The following UBR4 variants were observed in gnomAD, a reference collection of about 807,000 sequenced individuals.
UBR4 encodes the protein E3 ubiquitin-protein ligase UBR4.
In UBR4, 124 loss-of-function variants were observed where a neutral mutation model predicts 575.6. The observed-to-expected ratio is 0.22, with a 90% CI of 0.19 to 0.25. The LOEUF is 0.25. Among genes scored for constraint, UBR4 ranks in the 10% least tolerant of loss-of-function variants. UBR4 has a pLI of 1.00. For synonymous variants in UBR4, 2,455 were observed against 2,473.7 expected (o/e 0.99, Z 0.22); for missense variants, 4,818 against 6,478.8 (o/e 0.74, Z 8.80).
chr1:19,084,883 G>A (rs769157507), intron 101 of UBR4, among the ~76,000 whole-genome samples, 185 bp from the exon 102 acceptor site: 7 of 152,206 alleles, frequency 4.6e-5, no homozygotes, highest in Non-Finnish European at 7.3e-5. Context: ...GCCATAGGAC[G>A]TTTTCATTTC....
intron 81 of UBR4, among the ~76,000 whole-genome samples, chr1:19,107,345 G>C (rs1377854349): frequency 6.6e-6 from 1 of 152,294 alleles, no homozygotes; most frequent in East Asian, 1.9e-4. Context: ...GCAGCCTGCA[G>C]AGAGAGAGCC....
chr1:19,169,228 T>G (rs543944465), intron 27 of UBR4, among the ~76,000 whole-genome samples: 7 of 152,302 alleles, frequency 4.6e-5, no homozygotes, highest in African/African-American at 1.7e-4. Flanking sequence ...GTTTGTCTTT[T>G]GATAACACAA....
chr1:19,146,869 G>A lies in UBR4; in HGVS notation c.7761C>T (p.Asn2587=). Residue 2587 remains asparagine, a synonymous_variant, in exon 52 of 106, where the codon AAC becomes AAT. Coordinates refer to ENST00000375254, the MANE Select transcript of UBR4 (RefSeq NM_020765.3). The part of the protein sequence containing the change: ...ARSIAIMRPN[N]LVHFTESKLP... ...GCTTTGACTCCGTAAAGTGGACAAG[G>A]TTGTTGGGGCGCATGATGGCAATGG... 1.9e-6 allele frequency: 3 copies of A among 1,614,164 alleles called. No homozygotes were observed. Among genetic ancestry groups the A allele is most frequent in the Non-Finnish European group, 2.5e-6 (3 of 1,180,000 alleles).
At chr1:19,177,786 C>T in intron 18 of UBR4, 43 bp from the exon 19 acceptor site, 2 of 1,590,302 alleles carry the variant, frequency 1.3e-6, no homozygotes, top group East Asian at 2.2e-5. Flanking sequence ...GGAAAAAGAG[C>T]ATTCCCCAGG....
At chr1:19,156,738 G>A (rs754125709) in intron 41 of UBR4, 29 bp downstream of exon 41, 3 of 1,606,760 alleles carry the variant, frequency 1.9e-6, no homozygotes. Context: ...CACAGCTCAA[G>A]GCAATCAAAC....
At chr1:19,097,618 TC>T (rs2078191106) in intron 90 of UBR4, among the ~76,000 whole-genome samples, 1 of 152,340 alleles carries the variant, frequency 6.6e-6, no homozygotes, top group Admixed American at 6.5e-5. Flanking sequence ...CTTTCTATGA[TC>T]CTTTTACATA....
At chr1:19,169,101 C>T (rs772687231) in intron 27 of UBR4, among the ~76,000 whole-genome samples, 3 of 152,042 alleles carry the variant, frequency 2.0e-5, no homozygotes, top group Non-Finnish European at 2.9e-5. Flanking sequence ...ACAGAGTTAA[C>T]ACGTATTGGG....
At position 19,114,804 on chromosome 1, in the gene UBR4, G is replaced by A. The variant is rs771961491; in HGVS notation, c.11202+7C>T. 1.2e-6 allele frequency: 2 copies of A among 1,613,926 alleles called. No individual in the cohort carries two copies. Among genetic ancestry groups the A allele is most frequent in the Non-Finnish European group, 1.7e-6 (2 of 1,180,018 alleles). The stretch of plus-strand genomic sequence containing the variant: ...CAGCCCTGAGTCTAGGCCAGATCTG[G>A]CCTCACCTTCTTCCGGTCTTCTTCA... On this transcript the variant is annotated splice_region_variant and intron_variant, in intron 75 of 105. Coordinates refer to ENST00000375254, the MANE Select transcript of UBR4 (RefSeq NM_020765.3).
chr1:19,131,242 TTA>T lies in UBR4; in HGVS notation c.8907-2170_8907-2169del, dbSNP rs1491468517. 6.0e-4 allele frequency among the ~76,000 whole-genome samples: 39 copies of T among 64,914 alleles called. 1 individual carries two copies. The South Asian group carries it at 0.013, about 21-fold the overall frequency. 42.6% of individuals were successfully genotyped at this position (64,914 alleles called of 152,430 possible). A position where few individuals can be genotyped will look rare whatever the true frequency, so the allele number is the denominator to read the frequency against. On this transcript the variant is annotated intron_variant, in intron 60 of 105. Transcript: ENST00000375254. ...AACTCTTACACAGTACTCTTGAAAC[TTA>T]AAAAAAAAAAAAAAAAAAAAAAAAA...
rs1415384978 is a variant in UBR4, at chr1:19,161,662, T to C, written c.5102A>G (p.Asp1701Gly). The C allele has an allele frequency of 6.2e-7, 1 of 1,613,948 alleles. No homozygotes were observed. Among genetic ancestry groups the C allele is most frequent in the Middle Eastern group, 1.6e-4 (1 of 6,084 alleles). ...ATACTTGGCATAGGAAATCTCATGA[T>C]CCTTGTGGCACACCTTAGCACACAC... ...CTVCAKVCHK[D>G]HEISYAKYGS... is the part of the protein sequence containing the mutation. The change falls in exon 37 of 106, where the codon GAT becomes GGT. Residue 1701 changes from aspartate (D) to glycine (G), a missense_variant. Asp to Gly is a moderately conservative substitution (Grantham distance 94, BLOSUM62 -1). Coordinates refer to ENST00000375254, the MANE Select transcript of UBR4 (RefSeq NM_020765.3).
At chr1:19,086,884 G>T (rs2077065766) in intron 99 of UBR4, 63 bp from the exon 100 acceptor site, 1 of 1,586,522 alleles carries the variant, frequency 6.3e-7, no homozygotes, top group Admixed American at 1.8e-5. Context: ...AGGAGAAGCA[G>T]AATAGAGGGG....
chr1:19,194,014 T>A (rs1003463951), intron 8 of UBR4, among the ~76,000 whole-genome samples: 2 of 152,146 alleles, frequency 1.3e-5, no homozygotes, highest in African/African-American at 2.4e-5. Flanking sequence ...ACAGTGGAGA[T>A]CAGTGGTGTT....
chr1:19,115,874 T>C (rs1557647443), intron 73 of UBR4, among the ~76,000 whole-genome samples: 1 of 152,196 alleles, frequency 6.6e-6, no homozygotes, highest in Non-Finnish European at 1.5e-5. Context: ...ATGATACCTT[T>C]TGAAATTCCA....
Position 19,112,634 on chromosome 1 carries a change from C to A in UBR4, c.11691G>T (p.Arg3897Ser), listed in dbSNP as rs1300751730. 6.2e-7 allele frequency: 1 copy of A among 1,614,246 alleles called. No homozygotes were observed. Among genetic ancestry groups the A allele is most frequent in the South Asian group, 1.1e-5 (1 of 91,090 alleles). The change falls in exon 78 of 106, where the codon AGG (arginine) becomes AGT (serine). Residue 3897 changes from arginine to serine, a missense_variant. Arg to Ser is a moderately radical substitution (Grantham distance 110). Transcript: ENST00000375254. ...TAAGGCCCTGGGAGACAAGGATGTG[C>A]CTCAAGGCTGGGTTGGTGGCCAGGG... is the stretch of plus-strand genomic sequence containing the variant. ...LRALATNPAL[R>S]HILVSQGLIR... is the part of the protein sequence containing the mutation.
At chr1:19,201,885 A>G in intron 1 of UBR4, 70 bp from the exon 2 acceptor site, 1 of 1,306,634 alleles carries the variant, frequency 7.7e-7, no homozygotes, top group Non-Finnish European at 1.1e-6. Context: ...CCCTTTATGG[A>G]TATTACATTA....
At chr1:19,125,135 TA>T (rs1231829005) in intron 64 of UBR4, among the ~76,000 whole-genome samples, 1 of 152,214 alleles carries the variant, frequency 6.6e-6, no homozygotes, top group East Asian at 1.9e-4. Flanking sequence ...GCAAGATCAC[TA>T]AACTCAGCCA....
At chr1:19,076,579 T>C (rs1337275926) in intron 105 of UBR4, among the ~76,000 whole-genome samples, 161 bp downstream of exon 105, 2 of 152,236 alleles carry the variant, frequency 1.3e-5, no homozygotes, top group East Asian at 3.8e-4. Flanking sequence ...TATCGGTGAC[T>C]TGCTATTTAC....
Position 19,105,061 on chromosome 1 carries a change from T to C in UBR4, c.12632A>G (p.Asn4211Ser), listed in dbSNP as rs759134001. ...AGGGTAGGATACCTTGGTGATGAGG[T>C]TGCCCACATAGGGTAGGACTCCCCG... ...AARGVLPYVG[N>S]LITKEIARLL... The change falls in exon 85 of 106, where the codon AAC becomes AGC. Residue 4211 changes from asparagine to serine, a missense_variant. Around this residue, in one of 29 missense-constraint regions of UBR4, gnomAD observed 178 missense variants for 175.5 expected, o/e 1.01. Coordinates refer to ENST00000375254, the MANE Select transcript of UBR4 (RefSeq NM_020765.3). 1.1e-5 allele frequency: 17 copies of C among 1,613,780 alleles called. No homozygotes were observed. The highest frequency in any genetic ancestry group is 1.4e-5 in the Non-Finnish European group (17 of 1,179,834).
intron 50 of UBR4, 106 bp downstream of exon 50, chr1:19,148,457 T>C: frequency 7.2e-7 from 1 of 1,385,440 alleles, no homozygotes; most frequent in Non-Finnish European, 1.0e-6. Context: ...ATCAAGATTA[T>C]GCTACTATAA....
Sources: gnomAD v4.1 joint callset for allele counts (sites outside exome capture counted in the v4.1 genomes callset) on GRCh38, gnomAD v4.1.1 for gene constraint, gnomAD v4.1.1 regional missense constraint, MANE v1.5 for transcripts, NCBI Gene and HGNC (gene_info 2026-07-23, HGNC 2026-07-21) for gene names.